Variants in SRPRA observed in about 807,000 individuals in gnomAD.
SRPRA encodes signal recognition particle receptor subunit alpha.
SRPRA carries 30 observed loss-of-function variants against 61.1 expected under a neutral mutation model. The observed-to-expected ratio is 0.49, with a 90% confidence interval of 0.37 to 0.67. SRPRA has a LOEUF of 0.67. SRPRA is among the 30% of genes least tolerant of loss of function. The pLI is 0.00. For missense variants in SRPRA, 759 were observed against 828.4 expected (o/e 0.92, Z 1.03); for synonymous variants, 324 against 299.7 (o/e 1.08, Z -0.84).
the SRPRA span, among the ~76,000 whole-genome samples, chr11:126,238,612 C>T: frequency 1.3e-5 from 2 of 152,286 alleles, no homozygotes; most frequent in East Asian, 1.9e-4. Flanking sequence ...CCACCCTCAG[C>T]TGTGTGCAGT....
At chr11:126,241,905 A>G in the SRPRA span, among the ~76,000 whole-genome samples, 1 of 150,540 alleles carries the variant, frequency 6.6e-6, no homozygotes, top group Non-Finnish European at 1.5e-5. Flanking sequence ...GGCACCTGTA[A>G]TCCCAGCTGC....
downstream of SRPRA, chr11:126,261,331 G>T: frequency 1.0e-6 from 1 of 956,798 alleles, no homozygotes; most frequent in Non-Finnish European, 1.6e-6. Context: ...CTTTTCAGTC[G>T]TACCATATGT....
chr11:126,266,195 G>A lies in SRPRA; in HGVS notation c.924C>T (p.Thr308=). The stretch of plus-strand genomic sequence containing the variant: ...ACCTGAAATTCCCCTACCTAGGTTT[G>A]GTAGAGTTTTGAGCAGCCCCTTCGT... ...SDDEGAAQNS[T]KPSATKGTLG... is the part of the protein sequence containing the mutation. Residue 308 remains threonine (T), a synonymous_variant, in exon 7 of 14, where the codon ACC becomes ACT. Transcript: ENST00000332118. 1.2e-6 allele frequency: 2 copies of A among 1,614,110 alleles called. No homozygotes were observed. The highest frequency in any genetic ancestry group is 1.7e-6 in the Non-Finnish European group (2 of 1,180,038).
chr11:126,268,673 C>T lies in SRPRA; in HGVS notation c.117+15G>A. ...GAAAGAAGAGCCTGGAGTTCTGATCCCACGGGGACGGTACCTGCAGCAGCA... is the reference window on the plus strand; with the variant it reads ...GAAAGAAGAGCCTGGAGTTCTGATCTCACGGGGACGGTACCTGCAGCAGCA... On this transcript the variant is annotated intron_variant, in intron 1 of 13. Coordinates refer to ENST00000332118, the MANE Select transcript of SRPRA (RefSeq NM_003139.4). 1 of 1,608,560 alleles carries T rather than the reference C, an allele frequency of 6.2e-7. No individual in the cohort carries two copies. Among genetic ancestry groups the T allele is most frequent in the African/African-American group, 1.3e-5 (1 of 74,902 alleles).
At chr11:126,262,871 A>G (rs1299850602), downstream of SRPRA, 1 of 152,664 alleles carries the variant, frequency 6.6e-6, no homozygotes, top group Non-Finnish European at 1.5e-5. Context: ...CTAGAACTAC[A>G]GTTAAGTGTG....
chr11:126,245,856 C>T, the SRPRA span, among the ~76,000 whole-genome samples: 8 of 151,892 alleles, frequency 5.3e-5, no homozygotes, highest in African/African-American at 1.2e-4. Flanking sequence ...ATTAGCTGGG[C>T]GTGGTGGCGC....
Position 126,264,103 on chromosome 11 carries a change from G to T in SRPRA, c.1789-59C>A. The stretch of plus-strand genomic sequence containing the variant: ...AGCCCACTTTTCACTCACCCTCTCA[G>T]GAACAGGAAGCGCTGGAGCCAAGAT... On this transcript the variant is annotated intron_variant, in intron 13 of 13. Transcript: ENST00000332118. This position sits in a 1 kb window ranked among gnomAD's most constrained non-coding sequence, Gnocchi z 5.0. 1 of 1,613,218 alleles carries T rather than the reference G, an allele frequency of 6.2e-7. No individual in the cohort carries two copies. The highest frequency in any genetic ancestry group is 1.1e-5 in the South Asian group (1 of 90,964).
At chr11:126,259,516 C>G (rs112213027), downstream of SRPRA, among the ~76,000 whole-genome samples, 684 of 151,296 alleles carry the variant, frequency 4.5e-3, 10 homozygotes, top group African/African-American at 0.016. Context: ...ACCCCCGCCT[C>G]CTGGGTTCAA....
chr11:126,267,187 C>G lies in SRPRA; in HGVS notation c.514G>C (p.Ala172Pro). The change falls in exon 4 of 14, where the codon GCC becomes CCC. Residue 172 changes from alanine to proline, a missense_variant. Ala to Pro is a conservative substitution (Grantham distance 27). This residue lies in a region of SRPRA where 475 missense variants were observed against 462.5 expected (regional missense o/e 1.03). Coordinates refer to ENST00000332118, the MANE Select transcript of SRPRA (RefSeq NM_003139.4). This position sits in a 1 kb window ranked among gnomAD's most constrained non-coding sequence, Gnocchi z 4.2. ...EKAKNSKKKG[A>P]KKEGSDGPLA... ...AACTCAAACTTGCCTTCCTTCTTGGCCCCCTTTTTTTTGCTATTCTTTGCT... is the reference window on the plus strand; with the variant it reads ...AACTCAAACTTGCCTTCCTTCTTGGGCCCCTTTTTTTTGCTATTCTTTGCT... The G allele has an allele frequency of 6.2e-7, 1 of 1,614,042 alleles. No homozygotes were observed. Among genetic ancestry groups the G allele is most frequent in the Non-Finnish European group, 8.5e-7 (1 of 1,180,020 alleles).
rs1414404761 is a variant in SRPRA at position 126,263,384 on chromosome 11, GTCA to G, written c.*529_*531del. 1 of 153,644 alleles carries G rather than the reference GTCA, an allele frequency of 6.5e-6. No individual in the cohort carries two copies. Among genetic ancestry groups the G allele is most frequent in the Non-Finnish European group, 1.5e-5 (1 of 68,826 alleles). The allele number at this position is 153,644 out of a possible 1,614,324, so 9.5% of individuals were successfully genotyped here. A position where few individuals can be genotyped will look rare whatever the true frequency, so the allele number is the denominator to read the frequency against. ...CTTTGGGGTAAACAATGGAGTAGGA[GTCA>G]TCATCAGAATTAGAATTAGCAGCAA... On this transcript the variant is annotated 3_prime_UTR_variant, in exon 14 of 14. Coordinates refer to ENST00000332118, the MANE Select transcript of SRPRA (RefSeq NM_003139.4).
In SRPRA at chr11:126,264,531, G is replaced by C. The variant is rs757462686; in HGVS notation, c.1534C>G (p.Gln512Glu). The change falls in exon 12 of 14, where the codon CAA (glutamine) becomes GAA (glutamate). Residue 512 changes from glutamine to glutamate, a missense_variant. Gln to Glu is a conservative substitution (Grantham distance 29). Coordinates refer to ENST00000332118, the MANE Select transcript of SRPRA (RefSeq NM_003139.4). The surrounding 1 kb of genome is among the most constrained non-coding windows in gnomAD (Gnocchi z 5.0). The part of the protein sequence containing the change: ...AMEAIAFARN[Q>E]GFDVVLVDTA... ...TCCACCAGCACCACGTCAAAGCCTT[G>C]GTTACGTGCTAGAGAAAGAAAGTAG... is the stretch of plus-strand genomic sequence containing the variant. 5.0e-6 allele frequency: 8 copies of C among 1,612,968 alleles called. No homozygotes were observed. In the East Asian group the frequency reaches 1.8e-4, roughly 36 times the overall value.
chr11:126,254,527 A>G, the SRPRA span: 38 of 1,520,612 alleles, frequency 2.5e-5, no homozygotes, highest in Admixed American at 1.5e-4. Flanking sequence ...TCTTCTTTTC[A>G]TTAAGTGAAA....
At chr11:126,261,498 T>C, downstream of SRPRA, 1 of 1,602,720 alleles carries the variant, frequency 6.2e-7, no homozygotes, top group Non-Finnish European at 8.5e-7. Flanking sequence ...TACTGTTTCC[T>C]ATTCTACTAT....
chr11:126,268,203 C>T (rs1300318778), intron 1 of SRPRA, 117 bp from the exon 2 acceptor site: 4 of 831,216 alleles, frequency 4.8e-6, no homozygotes, highest in Non-Finnish European at 7.8e-6. Context: ...CAAATCTGTC[C>T]CCAGGACAAG....
chr11:126,249,751 A>AG, the SRPRA span, among the ~76,000 whole-genome samples: 53 of 149,610 alleles, frequency 3.5e-4, 1 homozygote, highest in South Asian at 4.9e-3. Flanking sequence ...AAAAAAAAAA[A>AG]AAAGAAAAAG....
At chr11:126,257,401 G>A in the SRPRA span, among the ~76,000 whole-genome samples, 1 of 152,144 alleles carries the variant, frequency 6.6e-6, no homozygotes, top group East Asian at 1.9e-4. Flanking sequence ...TCCATTGAAT[G>A]TAGTGGCAAA....
chr11:126,252,269 G>A, the SRPRA span, among the ~76,000 whole-genome samples: 1 of 152,184 alleles, frequency 6.6e-6, no homozygotes, highest in Admixed American at 6.5e-5. The surrounding 1 kb of genome is among the most constrained non-coding windows in gnomAD (Gnocchi z 4.7). Context: ...TTACAGGCAT[G>A]AGCCACCACA....
downstream of SRPRA, chr11:126,261,006 A>T (rs688479): frequency 0.21 from 33,299 of 159,540 alleles, 4,623 homozygotes; most frequent in East Asian, 0.64. Context: ...ACCGTATTTT[A>T]TTTTGTGGGA....
the SRPRA span, among the ~76,000 whole-genome samples, chr11:126,244,318 G>C: frequency 1.3e-5 from 2 of 152,190 alleles, no homozygotes; most frequent in Non-Finnish European, 2.9e-5. The surrounding 1 kb of genome is among the most constrained non-coding windows in gnomAD (Gnocchi z 4.5). Flanking sequence ...CAGATGTGAT[G>C]ATCTAGTCTA....
Sources: gnomAD v4.1 joint callset for allele counts (sites outside exome capture counted in the v4.1 genomes callset) on GRCh38, gnomAD v4.1.1 for gene constraint, gnomAD v4.1.1 regional missense constraint, Gnocchi (gnomAD v3.1) non-coding constraint, MANE v1.5 for transcripts, NCBI Gene and HGNC (gene_info 2026-07-23, HGNC 2026-07-21) for gene names.